Variants in ARHGAP15 observed in about 807,000 individuals in gnomAD.
ARHGAP15 encodes the protein Rho GTPase activating protein 15.
In ARHGAP15, 51 loss-of-function variants were observed where a neutral mutation model predicts 63.7. The observed-to-expected ratio is 0.80, with a 90% CI of 0.64 to 1.01. The LOEUF (loss-of-function observed/expected upper bound fraction) is 1.01, where lower values mean the gene tolerates loss of function less well. Ranked by LOEUF, ARHGAP15 falls within the 50% of genes least tolerant of loss-of-function variation. The pLI is 0.00. For missense variants in ARHGAP15, 560 were observed against 564.6 expected (o/e 0.99, Z 0.08); for synonymous variants, 191 against 193.8 (o/e 0.99, Z 0.12).
chr2:143,678,300 A>C (rs1469499734), intron 12 of ARHGAP15, among the ~76,000 whole-genome samples: 4 of 152,262 alleles, frequency 2.6e-5, no homozygotes, highest in African/African-American at 9.6e-5. Flanking sequence ...ACTTTCTTTT[A>C]GACCAAGCTT....
At chr2:143,558,301 T>C (rs1410430211) in intron 11 of ARHGAP15, among the ~76,000 whole-genome samples, 1 of 152,140 alleles carries the variant, frequency 6.6e-6, no homozygotes, top group Non-Finnish European at 1.5e-5. Flanking sequence ...CCATCCCACA[T>C]ACACAAGCTT....
chr2:143,597,753 C>A (rs1559071734), intron 11 of ARHGAP15, among the ~76,000 whole-genome samples: 1 of 152,046 alleles, frequency 6.6e-6, no homozygotes, highest in Non-Finnish European at 1.5e-5. Flanking sequence ...AGCAAACAAA[C>A]CTGAGAGCTC....
intron 12 of ARHGAP15, among the ~76,000 whole-genome samples, chr2:143,698,342 G>A (rs758514410): frequency 3.9e-5 from 6 of 152,098 alleles, no homozygotes; most frequent in African/African-American, 7.2e-5. Context: ...GGTTGTAAAC[G>A]TGCTTTAGTA....
At chr2:143,476,496 A>G (rs909983380) in intron 8 of ARHGAP15, among the ~76,000 whole-genome samples, 1 of 152,228 alleles carries the variant, frequency 6.6e-6, no homozygotes. Context: ...GTTTGGGAAA[A>G]GACTCAGCCC....
At chr2:143,600,416 T>C (rs960100046) in intron 11 of ARHGAP15, among the ~76,000 whole-genome samples, 1 of 152,176 alleles carries the variant, frequency 6.6e-6, no homozygotes, top group African/African-American at 2.4e-5. Flanking sequence ...GGAGTATTCA[T>C]ATCATATATA....
chr2:143,657,520 A>G (rs1290336583), intron 12 of ARHGAP15, among the ~76,000 whole-genome samples: 1 of 152,122 alleles, frequency 6.6e-6, no homozygotes, highest in Non-Finnish European at 1.5e-5. Context: ...CCTGGAATTT[A>G]TTATGAATTC....
intron 13 of ARHGAP15, chr2:143,703,912 C>T (rs13401442): frequency 0.035 from 5,395 of 154,522 alleles, 321 homozygotes; most frequent in African/African-American, 0.12. Flanking sequence ...AAATAAGTTA[C>T]TTAAACCCTC....
intron 6 of ARHGAP15, among the ~76,000 whole-genome samples, chr2:143,396,103 G>A (rs1454037741): frequency 6.6e-6 from 1 of 152,052 alleles, no homozygotes. Context: ...CAGCTTCTGA[G>A]CAAATTTCTC....
chr2:143,606,078 A>C, intron 11 of ARHGAP15, among the ~76,000 whole-genome samples: 1 of 137,354 alleles, frequency 7.3e-6, no homozygotes, highest in Admixed American at 7.5e-5. Context: ...AAAGCCATAC[A>C]TCTGTCTCTT....
At chr2:143,411,324 A>T (rs1688435680) in intron 6 of ARHGAP15, among the ~76,000 whole-genome samples, 1 of 152,226 alleles carries the variant, frequency 6.6e-6, no homozygotes, top group Non-Finnish European at 1.5e-5. Flanking sequence ...TTAGTTCTGT[A>T]TTTAATAAAT....
chr2:143,326,491 G>A (rs1031573682), intron 6 of ARHGAP15, among the ~76,000 whole-genome samples: 2 of 152,158 alleles, frequency 1.3e-5, no homozygotes, highest in Admixed American at 6.6e-5. Flanking sequence ...ATCAGCTAAA[G>A]TCCTTGTTCA....
intron 13 of ARHGAP15, among the ~76,000 whole-genome samples, chr2:143,745,470 T>C (rs980232474): frequency 2.6e-5 from 4 of 152,204 alleles, no homozygotes; most frequent in Non-Finnish European, 5.9e-5. Flanking sequence ...ACTCAGACTA[T>C]AGACACACCC....
At chr2:143,584,125 A>T (rs1451207402) in intron 11 of ARHGAP15, among the ~76,000 whole-genome samples, 1 of 152,196 alleles carries the variant, frequency 6.6e-6, no homozygotes, top group Non-Finnish European at 1.5e-5. Flanking sequence ...CACTGAAAGC[A>T]AGTGTCTAAA....
chr2:143,341,885 T>G (rs1456302450), intron 6 of ARHGAP15, among the ~76,000 whole-genome samples: 1 of 152,168 alleles, frequency 6.6e-6, no homozygotes, highest in African/African-American at 2.4e-5. Flanking sequence ...TCAGCAATTC[T>G]GCTGCTTAAA....
At chr2:143,291,301 G>T (rs1388381006) in intron 6 of ARHGAP15, among the ~76,000 whole-genome samples, 1 of 152,036 alleles carries the variant, frequency 6.6e-6, no homozygotes, top group African/African-American at 2.4e-5. Flanking sequence ...CAATGAATAT[G>T]ATGATACATT....
intron 8 of ARHGAP15, among the ~76,000 whole-genome samples, chr2:143,439,811 G>T (rs1233068713): frequency 6.6e-6 from 1 of 151,998 alleles, no homozygotes; most frequent in Non-Finnish European, 1.5e-5. Flanking sequence ...GGTAAACTTA[G>T]TTTATATCGA....
chr2:143,576,361 A>G (rs1029441972), intron 11 of ARHGAP15, among the ~76,000 whole-genome samples: 1 of 152,174 alleles, frequency 6.6e-6, no homozygotes, highest in Non-Finnish European at 1.5e-5. Context: ...GGTTGTGTTA[A>G]GAAGGATACT....
intron 13 of ARHGAP15, among the ~76,000 whole-genome samples, chr2:143,724,947 C>A (rs1685215538): frequency 6.6e-6 from 1 of 152,190 alleles, no homozygotes; most frequent in Non-Finnish European, 1.5e-5. Flanking sequence ...TGTCTAATAA[C>A]CTCCACCCAC....
intron 13 of ARHGAP15, among the ~76,000 whole-genome samples, chr2:143,704,803 C>T (rs2105426678): frequency 6.6e-6 from 1 of 152,208 alleles, no homozygotes; most frequent in Non-Finnish European, 1.5e-5. Flanking sequence ...TGAGTCATTC[C>T]TACAGATTAT....
Sources: gnomAD v4.1 joint callset for allele counts (sites outside exome capture counted in the v4.1 genomes callset) on GRCh38, gnomAD v4.1.1 for gene constraint, MANE v1.5 for transcripts, NCBI Gene and HGNC (gene_info 2026-07-23, HGNC 2026-07-21) for gene names.